Variants in TNXB observed in about 807,000 individuals in gnomAD.
TNXB encodes tenascin-X.
TNXB carries 183 observed loss-of-function variants against 340.5 expected under a neutral mutation model. That is an observed-to-expected ratio of 0.54 (90% CI 0.48 to 0.61). TNXB has a LOEUF of 0.61. Ranked by LOEUF, TNXB falls within the 20% of genes least tolerant of loss-of-function variation. The probability of loss-of-function intolerance (pLI) is 0.00; values close to 1 mark genes in which losing one functional copy is unlikely to be tolerated. For missense variants in TNXB, 4,613 were observed against 5,446.4 expected (o/e 0.85, Z 4.82); for synonymous variants, 2,121 against 2,314.5 (o/e 0.92, Z 2.40).
chr6:32,091,671 A>T (rs1313748267), intron 4 of TNXB, among the ~76,000 whole-genome samples: 2 of 145,810 alleles, frequency 1.4e-5, no homozygotes, highest in East Asian at 4.2e-4. Context: ...ATGGGGTTTC[A>T]CTATGTTGGT....
Position 32,049,248 on chromosome 6 carries a change from G to C in TNXB, c.9757+22C>G. On this transcript the variant is annotated intron_variant, in intron 28 of 43. Coordinates refer to ENST00000644971, the MANE Select transcript of TNXB (RefSeq NM_001365276.2). This position sits in a 1 kb window ranked among gnomAD's most constrained non-coding sequence, Gnocchi z 4.5. ...GGGCTGCAGAGGTAAACCTGGGGAC[G>C]AGGGCCTGTCCCCCCACTCACCCGT... 1 of 1,599,696 alleles carries C rather than the reference G, an allele frequency of 6.3e-7. No homozygotes were observed. Among genetic ancestry groups the C allele is most frequent in the Non-Finnish European group, 8.5e-7 (1 of 1,171,158 alleles).
In TNXB at chr6:32,096,593, C is replaced by T; in HGVS notation, c.1260G>A (p.Val420=). The T allele has an allele frequency of 6.3e-7, 1 of 1,586,232 alleles. No individual in the cohort carries two copies. Among genetic ancestry groups the T allele is most frequent in the Non-Finnish European group, 8.5e-7 (1 of 1,170,048 alleles). ...QRGRCEDGRC[V]CWPGYTGTDC... The stretch of plus-strand genomic sequence containing the variant: ...CGGTTCCAGTGTACCCCGGCCAGCA[C>T]ACGCAGCGGCCGTCCTCGCAGCGGC... The change falls in exon 3 of 44, where the codon GTG becomes GTA. Residue 420 remains valine (V), a synonymous_variant. Coordinates refer to ENST00000644971, the MANE Select transcript of TNXB (RefSeq NM_001365276.2).
Position 32,072,064 on chromosome 6 carries a change from C to T in TNXB, c.4916G>A (p.Arg1639His), listed in dbSNP as rs756221645. The change falls in exon 13 of 44, where the codon CGC becomes CAC. Residue 1639 changes from arginine (R) to histidine (H), a missense_variant. Around this residue, in one of 7 missense-constraint regions of TNXB, gnomAD observed 4,327 missense variants for 4,859.4 expected, o/e 0.89. Coordinates refer to ENST00000644971, the MANE Select transcript of TNXB (RefSeq NM_001365276.2). This position sits in a 1 kb window ranked among gnomAD's most constrained non-coding sequence, Gnocchi z 4.4. ...EVTIPDLEPS[R>H]KYKFLLFGIQ... ...CCCAAAGAGCAGGAACTTGTACTTG[C>T]GGGAGGGTTCCAGGTCAGGGATAGT... 5.9e-5 allele frequency: 95 copies of T among 1,612,394 alleles called. No individual in the cohort carries two copies. Among genetic ancestry groups the T allele is most frequent in the Non-Finnish European group, 7.5e-5 (88 of 1,179,344 alleles).
At position 32,084,310 on chromosome 6, in the gene TNXB, G is replaced by A; in HGVS notation, c.3445+103C>T. The stretch of plus-strand genomic sequence containing the variant: ...TTCAGAATTCAGCTCATGCACCACT[G>A]CCTCCAGGAAGCCTTCCCGGAGCTC... On this transcript the variant is annotated intron_variant, in intron 8 of 43. Coordinates refer to ENST00000644971, the MANE Select transcript of TNXB (RefSeq NM_001365276.2). This position sits in a 1 kb window ranked among gnomAD's most constrained non-coding sequence, Gnocchi z 5.5. The A allele has an allele frequency of 2.7e-6, 3 of 1,116,270 alleles. No homozygotes were observed. The highest frequency in any genetic ancestry group is 3.7e-6 in the Non-Finnish European group (3 of 811,020). 69.1% of individuals were successfully genotyped at this position (1,116,270 alleles called of 1,614,324 possible). A position where few individuals can be genotyped will look rare whatever the true frequency, so the allele number is the denominator to read the frequency against.
rs777590400 is a variant in TNXB, at chr6:32,049,978, G to A, written c.9439+20C>T. 1.9e-6 allele frequency: 3 copies of A among 1,612,288 alleles called. No individual in the cohort carries two copies. On this transcript the variant is annotated intron_variant, in intron 27 of 43. Coordinates refer to ENST00000644971, the MANE Select transcript of TNXB (RefSeq NM_001365276.2). The surrounding 1 kb of genome is among the most constrained non-coding windows in gnomAD (Gnocchi z 4.5). ...GGCCCTCCCACAGCTCCCACCCTGGGGCTCCCATCATTCACTCACCCGTCA... is the reference window on the plus strand; with the variant it reads ...GGCCCTCCCACAGCTCCCACCCTGGAGCTCCCATCATTCACTCACCCGTCA...
rs184648758 is a variant in TNXB, at chr6:32,051,586, C to T, written c.9115+1084G>A. On this transcript the variant is annotated intron_variant, in intron 26 of 43. Coordinates refer to ENST00000644971, the MANE Select transcript of TNXB (RefSeq NM_001365276.2). The surrounding 1 kb of genome is among the most constrained non-coding windows in gnomAD (Gnocchi z 4.7). ...CAAAGTGTGGTCTGTATGTGTAAAA[C>T]GAAACATTATTCAGCCTGAAAAGGA... is the stretch of plus-strand genomic sequence containing the variant. 2.1e-4 allele frequency among the ~76,000 whole-genome samples: 32 copies of T among 152,066 alleles called. No individual in the cohort carries two copies. Among genetic ancestry groups the T allele is most frequent in the African/African-American group, 6.0e-4 (25 of 41,504 alleles).
chr6:32,068,253 G>T lies in TNXB; in HGVS notation c.6220+137C>A. 1.5e-6 allele frequency: 2 copies of T among 1,332,278 alleles called. No homozygotes were observed. Among genetic ancestry groups the T allele is most frequent in the Non-Finnish European group, 1.0e-6 (1 of 981,068 alleles). 82.5% of individuals were successfully genotyped at this position (1,332,278 alleles called of 1,614,324 possible). ...TGGTCAACCTCACAGGAAGGCCCAAGGGGAGCCCCAGCCCCAGCCACAAGC... is the reference window on the plus strand; with the variant it reads ...TGGTCAACCTCACAGGAAGGCCCAATGGGAGCCCCAGCCCCAGCCACAAGC... On this transcript the variant is annotated intron_variant, in intron 17 of 43. Transcript: ENST00000644971. The surrounding 1 kb of genome is among the most constrained non-coding windows in gnomAD (Gnocchi z 5.3).
intron 11 of TNXB, among the ~76,000 whole-genome samples, chr6:32,077,042 G>C (rs1254446782): frequency 6.6e-6 from 1 of 152,168 alleles, no homozygotes; most frequent in Non-Finnish European, 1.5e-5. Context: ...AGGAAGACAG[G>C]AAGGAACTCA....
Position 32,049,728 on chromosome 6 carries a change from G to A in TNXB, c.9440-141C>T. 3.4e-6 allele frequency: 4 copies of A among 1,184,052 alleles called. No homozygotes were observed. Among genetic ancestry groups the A allele is most frequent in the South Asian group, 1.6e-5 (1 of 63,764 alleles). 73.3% of individuals were successfully genotyped at this position (1,184,052 alleles called of 1,614,324 possible). A position where few individuals can be genotyped will look rare whatever the true frequency, so the allele number is the denominator to read the frequency against. ...TCTTGGGGCTGGGTGGTCCTGCTCA[G>A]CTGACAGCTAACACACGTAACAAGT... On this transcript the variant is annotated intron_variant, in intron 27 of 43. Coordinates refer to ENST00000644971, the MANE Select transcript of TNXB (RefSeq NM_001365276.2). The surrounding 1 kb of genome is among the most constrained non-coding windows in gnomAD (Gnocchi z 4.5).
rs1780375787 is a variant in TNXB at position 32,096,437 on chromosome 6, G to A, written c.1416C>T (p.Gly472=). Residue 472 remains glycine, a synonymous_variant, in exon 3 of 44, where the codon GGC becomes GGT. Transcript: ENST00000644971. ...AGCGGCCACTCTCACAGCGGCCCCGGCCACGACAGTCCCCAGGACAGCTGC... is the reference window on the plus strand; with the variant it reads ...AGCGGCCACTCTCACAGCGGCCCCGACCACGACAGTCCCCAGGACAGCTGC... The part of the protein sequence containing the change: ...GVRSCPGDCR[G]RGRCESGRCM... 1.3e-6 allele frequency: 2 copies of A among 1,592,958 alleles called. No individual in the cohort carries two copies. The highest frequency in any genetic ancestry group is 1.7e-6 in the Non-Finnish European group (2 of 1,176,780).
intron 24 of TNXB, among the ~76,000 whole-genome samples, chr6:32,054,061 A>T (rs2077116): frequency 0.26 from 38,946 of 151,948 alleles, 6,408 homozygotes; most frequent in Admixed American, 0.38. Flanking sequence ...TTTGCTCCGC[A>T]ACAAGCTCAG....
At chr6:32,099,603 A>G (rs574685447) in intron 1 of TNXB, among the ~76,000 whole-genome samples, 2 of 152,138 alleles carry the variant, frequency 1.3e-5, no homozygotes, top group East Asian at 3.9e-4. Flanking sequence ...GGCTCAAGCC[A>G]TCCTCCCACC....
In TNXB at chr6:32,073,693, T is replaced by C; in HGVS notation, c.4635A>G (p.Leu1545=). Reference sequence around the variant, plus strand: ...GGGGGCCCATGCGTTGCCCATCATGTAGTCCATACATGTTCATCTTATATT... The same window carrying C: ...GGGGGCCCATGCGTTGCCCATCATGCAGTCCATACATGTTCATCTTATATT... The part of the protein sequence containing the change: ...ERKYKMNMYG[L]HDGQRMGPLS... The change falls in exon 12 of 44, where the codon CTA becomes CTG. Residue 1545 remains leucine (L), a synonymous_variant. Coordinates refer to ENST00000644971, the MANE Select transcript of TNXB (RefSeq NM_001365276.2). This position sits in a 1 kb window ranked among gnomAD's most constrained non-coding sequence, Gnocchi z 4.6. The C allele has an allele frequency of 6.2e-7, 1 of 1,610,516 alleles. No individual in the cohort carries two copies. Among genetic ancestry groups the C allele is most frequent in the Non-Finnish European group, 8.5e-7 (1 of 1,178,960 alleles).
At position 32,052,123 on chromosome 6, in the gene TNXB, A is replaced by AT. The variant is rs1379401729; in HGVS notation, c.9115+546_9115+547insA. Among the ~76,000 whole-genome samples the AT allele has an allele frequency of 3.9e-5, 6 of 152,204 alleles. No individual in the cohort carries two copies. Among genetic ancestry groups the AT allele is most frequent in the African/African-American group, 1.2e-4 (5 of 41,448 alleles). ...ACAACAAAAAAAGTGTGTTCCTTGG[A>AT]CCAGTGGCATCAAGATAGATGAGAA... On this transcript the variant is annotated intron_variant, in intron 26 of 43. Coordinates refer to ENST00000644971, the MANE Select transcript of TNXB (RefSeq NM_001365276.2). The surrounding 1 kb of genome is among the most constrained non-coding windows in gnomAD (Gnocchi z 4.7).
intron 24 of TNXB, among the ~76,000 whole-genome samples, chr6:32,054,650 T>C (rs1777524080): frequency 6.6e-6 from 1 of 152,228 alleles, no homozygotes; most frequent in Non-Finnish European, 1.5e-5. Context: ...AATCCTGGCT[T>C]GGCTCCTGGG....
In TNXB at chr6:32,096,155, G is replaced by A; in HGVS notation, c.1698C>T (p.Arg566=). 1 of 1,584,736 alleles carries A rather than the reference G, an allele frequency of 6.3e-7. No individual in the cohort carries two copies. The highest frequency in any genetic ancestry group is 8.6e-7 in the Non-Finnish European group (1 of 1,167,706). ...CACACCGCCCATCTAGGCACTGGCCGCGGCCTCGGCAGCCCCCGGGGCAGC... is the reference window on the plus strand; with the variant it reads ...CACACCGCCCATCTAGGCACTGGCCACGGCCTCGGCAGCCCCCGGGGCAGC... The part of the protein sequence containing the change: ...TRSCPGGCRG[R]GQCLDGRCVC... Residue 566 remains arginine, a synonymous_variant, in exon 3 of 44, where the codon CGC becomes CGT. Coordinates refer to ENST00000644971, the MANE Select transcript of TNXB (RefSeq NM_001365276.2).
At position 32,048,486 on chromosome 6, in the gene TNXB, C is replaced by G; in HGVS notation, c.9922G>C (p.Val3308Leu). ...GCGACCGCTCGGAGGTCTCCGCTCA[C>G]AGGCACTGCCTGGGGCTGCCCCTGC... is the stretch of plus-strand genomic sequence containing the variant. ...DAQGQPQAVP[V>L]SGDLRAVAVS... is the part of the protein sequence containing the mutation. The change falls in exon 29 of 44, where the codon GTG becomes CTG. Residue 3308 changes from valine to leucine, a missense_variant. Around this residue, in one of 7 missense-constraint regions of TNXB, gnomAD observed 4,327 missense variants for 4,859.4 expected, o/e 0.89. Coordinates refer to ENST00000644971, the MANE Select transcript of TNXB (RefSeq NM_001365276.2). 2 of 1,601,822 alleles carry G rather than the reference C, an allele frequency of 1.2e-6. No homozygotes were observed. Among genetic ancestry groups the G allele is most frequent in the Non-Finnish European group, 1.7e-6 (2 of 1,174,978 alleles).
At position 32,069,444 on chromosome 6, in the gene TNXB, G is replaced by T; in HGVS notation, c.5587+109C>A. The T allele has an allele frequency of 2.3e-6, 3 of 1,321,098 alleles. No individual in the cohort carries two copies. The highest frequency in any genetic ancestry group is 2.0e-6 in the Non-Finnish European group (2 of 991,444). The allele number at this position is 1,321,098 out of a possible 1,614,324, so 81.8% of individuals were successfully genotyped here. ...TAAAGGGGCACAAGGAAACTTTCTG[G>T]ATCAATGGAAATGATATAAAATGGG... On this transcript the variant is annotated intron_variant, in intron 15 of 43. Transcript: ENST00000644971. The surrounding 1 kb of genome is among the most constrained non-coding windows in gnomAD (Gnocchi z 6.2).
At position 32,064,324 on chromosome 6, in the gene TNXB, C is replaced by T. The variant is rs144692407; in HGVS notation, c.6841+497G>A. On this transcript the variant is annotated intron_variant, in intron 19 of 43. Transcript: ENST00000644971. This position sits in a 1 kb window ranked among gnomAD's most constrained non-coding sequence, Gnocchi z 5.3. Reference sequence around the variant, plus strand: ...GCCTCCTGGGTTCAAGCGATTCTCCCGCCTTAGCCTCCCGAGTAGCTGGGA... The same window carrying T: ...GCCTCCTGGGTTCAAGCGATTCTCCTGCCTTAGCCTCCCGAGTAGCTGGGA... Among the ~76,000 whole-genome samples the T allele has an allele frequency of 0.013, 1,980 of 152,198 alleles. 36 individuals are homozygous for T. The highest frequency in any genetic ancestry group is 0.036 in the Admixed American group (554 of 15,284).
Sources: allele counts gnomAD v4.1 joint callset (sites outside exome capture counted in the v4.1 genomes callset), GRCh38; gene constraint gnomAD v4.1.1; regional missense constraint gnomAD v4.1.1; non-coding constraint Gnocchi (gnomAD v3.1); transcripts MANE v1.5; gene names NCBI Gene and HGNC (gene_info 2026-07-23, HGNC 2026-07-21).